Variants in ULK4 observed in about 807,000 individuals in gnomAD.
ULK4 encodes the protein unc-51 like kinase 4, also known as inactive serine/threonine-protein kinase ULK4.
A neutral mutation model predicts 160.6 loss-of-function variants in ULK4; 133 were observed. That is an observed-to-expected ratio of 0.83 (90% CI 0.72 to 0.96). The LOEUF is 0.96. Ranked by LOEUF, ULK4 falls within the 40% of genes least tolerant of loss-of-function variation. The pLI, the probability that ULK4 is intolerant of heterozygous loss-of-function variation, is 0.00. For missense variants in ULK4, 1,580 were observed against 1,499.5 expected, an observed-to-expected ratio of 1.05 and a Z score of -0.89; for synonymous variants, 534 against 539.8, an observed-to-expected ratio of 0.99 and a Z score of 0.15.
At chr3:41,648,233 A>G (rs764937756) in intron 30 of ULK4, among the ~76,000 whole-genome samples, 8 of 152,120 alleles carry the variant, frequency 5.3e-5, no homozygotes, top group African/African-American at 1.9e-4. Flanking sequence ...GGCACTCCCT[A>G]GTGAGATGAA....
chr3:41,826,813 T>C lies in ULK4; in HGVS notation c.1765-7307A>G, dbSNP rs578255086. On this transcript the variant is annotated intron_variant, in intron 18 of 36. Coordinates refer to ENST00000301831, the MANE Select transcript of ULK4 (RefSeq NM_017886.4). ...ACAGCTATGCACCAAGCGGACCTAATAGACATCTACAGAACTCTCCACCCC... is the reference window on the plus strand; with the variant it reads ...ACAGCTATGCACCAAGCGGACCTAACAGACATCTACAGAACTCTCCACCCC... Among the ~76,000 whole-genome samples, 13 of 144,648 alleles carry C rather than the reference T, an allele frequency of 9.0e-5. No individual in the cohort carries two copies. In the South Asian group the frequency reaches 2.8e-3, roughly 32 times the overall value. 94.9% of individuals were successfully genotyped at this position (144,648 alleles called of 152,430 possible).
At chr3:41,275,306 T>G (rs747025588) in intron 35 of ULK4, among the ~76,000 whole-genome samples, 4 of 152,228 alleles carry the variant, frequency 2.6e-5, no homozygotes, top group African/African-American at 7.2e-5. Context: ...ATTTGCTGGT[T>G]GCAAAGAACA....
Position 41,638,117 on chromosome 3 carries a change from T to C in ULK4, c.3072-22400A>G, listed in dbSNP as rs150882779. Reference sequence around the variant, plus strand: ...ATATACCAATTTAAAAGGCAAACAGTGGTGTACGAAAGTACATATTTCACT... The same window carrying C: ...ATATACCAATTTAAAAGGCAAACAGCGGTGTACGAAAGTACATATTTCACT... On this transcript the variant is annotated intron_variant, in intron 30 of 36. Coordinates refer to ENST00000301831, the MANE Select transcript of ULK4 (RefSeq NM_017886.4). Among the ~76,000 whole-genome samples the C allele has an allele frequency of 2.0e-5, 3 of 152,290 alleles. No individual in the cohort carries two copies. In the East Asian group the frequency reaches 5.8e-4, roughly 29 times the overall value.
chr3:41,931,619 T>C (rs996984146), intron 5 of ULK4: 13 of 462,440 alleles, frequency 2.8e-5, no homozygotes, highest in African/African-American at 2.2e-4. Context: ...GAGGACGAAA[T>C]ACAGGTTTTG....
At chr3:41,363,571 C>A (rs888383290) in intron 35 of ULK4, among the ~76,000 whole-genome samples, 7 of 152,166 alleles carry the variant, frequency 4.6e-5, no homozygotes, top group Admixed American at 1.3e-4. Context: ...CAACACTGAA[C>A]CCCTCAGCAG....
At chr3:41,690,525 T>C (rs940009974) in intron 27 of ULK4, among the ~76,000 whole-genome samples, 2 of 151,726 alleles carry the variant, frequency 1.3e-5, no homozygotes, top group African/African-American at 4.8e-5. Context: ...TCTGGGCTCC[T>C]ATTCTGCTGC....
intron 17 of ULK4, among the ~76,000 whole-genome samples, chr3:41,871,974 A>G (rs951686528): frequency 5.3e-5 from 8 of 152,310 alleles, no homozygotes; most frequent in Middle Eastern, 3.4e-3. Flanking sequence ...GACTCTGGAT[A>G]ACCTTATTTT....
intron 32 of ULK4, among the ~76,000 whole-genome samples, chr3:41,557,361 G>C (rs1447830609): frequency 6.6e-6 from 1 of 151,796 alleles, no homozygotes; most frequent in Non-Finnish European, 1.5e-5. Context: ...ATTATTATAT[G>C]ACTGGGAAAC....
At chr3:41,376,652 G>C (rs942578917) in intron 35 of ULK4, among the ~76,000 whole-genome samples, 4 of 149,388 alleles carry the variant, frequency 2.7e-5, no homozygotes, top group Non-Finnish European at 2.9e-5. Context: ...AAATACCTAG[G>C]AATCCAACTT....
intron 34 of ULK4, among the ~76,000 whole-genome samples, chr3:41,414,442 G>A (rs1027034539): frequency 2.7e-5 from 4 of 150,624 alleles, no homozygotes; most frequent in Non-Finnish European, 5.9e-5. Flanking sequence ...TTTACTTTCC[G>A]TTATCCAATC....
chr3:41,610,814 T>C lies in ULK4; in HGVS notation c.3120+4855A>G, dbSNP rs547554401. Reference sequence around the variant, plus strand: ...ATAAAATATCATGACAGCAATATTTTGGCACATATTGGAAAATCTGCCATG... The same window carrying C: ...ATAAAATATCATGACAGCAATATTTCGGCACATATTGGAAAATCTGCCATG... On this transcript the variant is annotated intron_variant, in intron 31 of 36. Coordinates refer to ENST00000301831, the MANE Select transcript of ULK4 (RefSeq NM_017886.4). Among the ~76,000 whole-genome samples, 444 of 152,364 alleles carry C rather than the reference T, an allele frequency of 2.9e-3. 1 individual carries two copies. Among genetic ancestry groups the C allele is most frequent in the Non-Finnish European group, 5.3e-3 (361 of 68,028 alleles).
intron 35 of ULK4, among the ~76,000 whole-genome samples, chr3:41,369,075 T>C (rs1416653100): frequency 6.6e-6 from 1 of 152,232 alleles, no homozygotes; most frequent in Non-Finnish European, 1.5e-5. Context: ...TAATTGGTGG[T>C]CAATGAATAC....
At chr3:41,674,696 T>C (rs947138480) in intron 29 of ULK4, among the ~76,000 whole-genome samples, 3 of 152,184 alleles carry the variant, frequency 2.0e-5, no homozygotes, top group African/African-American at 7.2e-5. Context: ...AGTAAGTACA[T>C]AGTTTCCTCA....
intron 2 of ULK4, among the ~76,000 whole-genome samples, chr3:41,949,733 CTT>C (rs201654761): frequency 6.9e-6 from 1 of 145,658 alleles, no homozygotes; most frequent in East Asian, 2.0e-4. Flanking sequence ...CCACACCTGC[CTT>C]TTTTTTTTTC....
intron 21 of ULK4, among the ~76,000 whole-genome samples, chr3:41,772,312 T>C (rs1006436484): frequency 2.8e-4 from 43 of 152,110 alleles, no homozygotes; most frequent in African/African-American, 1.0e-3. Context: ...ACAAAATTGA[T>C]AGACTGCTAG....
chr3:41,859,577 T>C, intron 17 of ULK4: 1 of 533,794 alleles, frequency 1.9e-6, no homozygotes, highest in Non-Finnish European at 3.8e-6. Context: ...AAAGGCACCA[T>C]GAGGCCATAA....
At chr3:41,467,018 T>C (rs2083852676) in intron 32 of ULK4, among the ~76,000 whole-genome samples, 1 of 152,124 alleles carries the variant, frequency 6.6e-6, no homozygotes, top group Non-Finnish European at 1.5e-5. Context: ...TACATACATA[T>C]AAATAATTAT....
intron 35 of ULK4, among the ~76,000 whole-genome samples, chr3:41,334,090 C>T (rs1352948531): frequency 6.6e-6 from 1 of 152,094 alleles, no homozygotes; most frequent in Non-Finnish European, 1.5e-5. Flanking sequence ...ACCGGCAAAA[C>T]TGAAGGTAGG....
chr3:41,422,310 G>T (rs2082680767), intron 34 of ULK4, among the ~76,000 whole-genome samples: 1 of 152,050 alleles, frequency 6.6e-6, no homozygotes, highest in African/African-American at 2.4e-5. Flanking sequence ...TCTTTGAATT[G>T]CTACAGGCTA....
Sources: gnomAD v4.1 joint callset for allele counts (sites outside exome capture counted in the v4.1 genomes callset) on GRCh38, gnomAD v4.1.1 for gene constraint, MANE v1.5 for transcripts, NCBI Gene and HGNC (gene_info 2026-07-23, HGNC 2026-07-21) for gene names.